The following CALN1 variants were observed in gnomAD, a reference collection of about 807,000 sequenced individuals.
The protein encoded by CALN1 is calcium-binding protein 8.
In CALN1, 17 loss-of-function variants were observed where a neutral mutation model predicts 30.6. The observed-to-expected ratio is 0.56, with a 90% confidence interval of 0.38 to 0.83. The LOEUF is 0.83. CALN1 is among the 40% of genes least tolerant of loss of function. CALN1 has a pLI of 0.00. For missense variants in CALN1, 291 were observed against 354.9 expected (o/e 0.82, Z 1.45); for synonymous variants, 156 against 131.4 (o/e 1.19, Z -1.28).
At chr7:72,271,319 G>C (rs1284292057) in intron 3 of CALN1, among the ~76,000 whole-genome samples, 2 of 151,978 alleles carry the variant, frequency 1.3e-5, no homozygotes, top group African/African-American at 2.4e-5. Context: ...AGGAGACAAA[G>C]AGTGTGCCTC....
chr7:72,202,737 C>T (rs1188688260), intron 3 of CALN1, among the ~76,000 whole-genome samples: 1 of 152,162 alleles, frequency 6.6e-6, no homozygotes, highest in African/African-American at 2.4e-5. Flanking sequence ...GAGTACATAT[C>T]ACCAATAAGC....
intron 1 of CALN1, among the ~76,000 whole-genome samples, chr7:72,410,950 G>T (rs1036433191): frequency 6.6e-6 from 1 of 152,066 alleles, no homozygotes; most frequent in African/African-American, 2.4e-5. Context: ...GATGGGAAAA[G>T]AAATAAAGTT....
intron 4 of CALN1, among the ~76,000 whole-genome samples, chr7:72,095,806 G>A (rs1806176958): frequency 6.6e-6 from 1 of 150,846 alleles, no homozygotes; most frequent in Non-Finnish European, 1.5e-5. Context: ...GCCAAGGTGG[G>A]AGACTGCTTG....
At chr7:72,306,902 T>G (rs1799695005) in intron 2 of CALN1, among the ~76,000 whole-genome samples, 2 of 152,166 alleles carry the variant, frequency 1.3e-5, no homozygotes, top group Admixed American at 6.5e-5. Context: ...TCAGGTATTT[T>G]ACAGAGTCTG....
chr7:72,105,444 G>T (rs558709337), intron 4 of CALN1, among the ~76,000 whole-genome samples: 1 of 152,136 alleles, frequency 6.6e-6, no homozygotes, highest in East Asian at 1.9e-4. Flanking sequence ...TCTTGTTTGA[G>T]GGGTTTTGGT....
intron 4 of CALN1, among the ~76,000 whole-genome samples, chr7:72,044,588 T>G (rs1802343711): frequency 6.9e-6 from 1 of 145,330 alleles, no homozygotes; most frequent in African/African-American, 2.5e-5. Flanking sequence ...GAGAATAATT[T>G]CCGCTTAAAA....
chr7:72,225,069 T>G (rs1365565751), intron 3 of CALN1, among the ~76,000 whole-genome samples: 7 of 151,396 alleles, frequency 4.6e-5, no homozygotes, highest in Non-Finnish European at 4.4e-5. Context: ...GCCACTGCAC[T>G]CTAGCCTGGG....
At chr7:71,909,027 C>T (rs1455265330) in intron 5 of CALN1, among the ~76,000 whole-genome samples, 1 of 152,124 alleles carries the variant, frequency 6.6e-6, no homozygotes, top group Admixed American at 6.6e-5. Flanking sequence ...GATTGATTGA[C>T]TGACGGGCAG....
intron 2 of CALN1, among the ~76,000 whole-genome samples, chr7:72,386,937 A>G (rs1270709695): frequency 6.6e-6 from 1 of 151,936 alleles, no homozygotes; most frequent in African/African-American, 2.4e-5. Flanking sequence ...GTATATATAC[A>G]TATATTTCAT....
intron 3 of CALN1, among the ~76,000 whole-genome samples, chr7:72,188,299 G>GTA (rs1436479374): frequency 6.6e-6 from 1 of 152,100 alleles, no homozygotes; most frequent in East Asian, 1.9e-4. Context: ...ATATGTACAT[G>GTA]TATATATATC....
chr7:71,943,274 A>G (rs995241427), intron 5 of CALN1, among the ~76,000 whole-genome samples: 2 of 152,324 alleles, frequency 1.3e-5, no homozygotes, highest in East Asian at 3.9e-4. Context: ...ACAACACAGT[A>G]TATTTTAAAA....
chr7:71,869,859 G>A (rs193240506), intron 5 of CALN1, among the ~76,000 whole-genome samples: 12 of 152,236 alleles, frequency 7.9e-5, no homozygotes, highest in African/African-American at 2.9e-4. Flanking sequence ...CCGCAGGATC[G>A]TGTTTTGGGA....
intron 5 of CALN1, among the ~76,000 whole-genome samples, chr7:72,009,001 A>G (rs772013480): frequency 6.6e-4 from 101 of 152,172 alleles, no homozygotes; most frequent in Admixed American, 1.1e-3. Context: ...AATGCTAATA[A>G]ACTAAGTAAT....
At chr7:71,986,711 A>G (rs1366329485) in intron 5 of CALN1, among the ~76,000 whole-genome samples, 3 of 152,250 alleles carry the variant, frequency 2.0e-5, no homozygotes, top group African/African-American at 7.2e-5. Flanking sequence ...TCACCTCTTT[A>G]GAAATTCTGA....
At chr7:71,895,880 G>C (rs1352587798) in intron 5 of CALN1, among the ~76,000 whole-genome samples, 1 of 152,146 alleles carries the variant, frequency 6.6e-6, no homozygotes, top group African/African-American at 2.4e-5. Context: ...CAATCTAATG[G>C]TTCCATCCCA....
intron 2 of CALN1, among the ~76,000 whole-genome samples, chr7:72,354,599 G>C (rs1300349815): frequency 1.3e-5 from 2 of 152,180 alleles, no homozygotes; most frequent in Admixed American, 6.5e-5. Context: ...TAGATGTATA[G>C]AGCAAAGGAA....
At chr7:72,287,274 G>C (rs1042171075) in intron 2 of CALN1, among the ~76,000 whole-genome samples, 4 of 151,870 alleles carry the variant, frequency 2.6e-5, no homozygotes, top group Non-Finnish European at 5.9e-5. Flanking sequence ...AATTTGTCCA[G>C]ATTTTGATGT....
At chr7:72,103,507 A>G (rs1806848314) in intron 4 of CALN1, among the ~76,000 whole-genome samples, 1 of 152,176 alleles carries the variant, frequency 6.6e-6, no homozygotes, top group South Asian at 2.1e-4. Context: ...TTATGGGGCT[A>G]CTTTGAAAGT....
chr7:72,269,005 T>C (rs994882696), intron 3 of CALN1, among the ~76,000 whole-genome samples: 1 of 152,104 alleles, frequency 6.6e-6, no homozygotes, highest in African/African-American at 2.4e-5. Context: ...GAAATTCACA[T>C]GACAAGCCCC....
Sources: allele counts gnomAD v4.1 joint callset (sites outside exome capture counted in the v4.1 genomes callset), GRCh38; gene constraint gnomAD v4.1.1; transcripts MANE v1.5; gene names NCBI Gene and HGNC (gene_info 2026-07-23, HGNC 2026-07-21).